Variants in VWDE observed in about 807,000 individuals in gnomAD.
VWDE encodes von Willebrand factor D and EGF domain-containing protein.
VWDE carries 207 observed loss-of-function variants against 178.4 expected under a neutral mutation model. That is an observed-to-expected ratio of 1.16 (90% confidence interval 1.04 to 1.30). VWDE has a LOEUF of 1.30. Among genes scored for constraint, VWDE ranks in the 50% most tolerant of loss-of-function variants. VWDE has a pLI of 0.00. For missense variants in VWDE, 2,287 were observed against 1,901.3 expected (o/e 1.20, Z -3.77); for synonymous variants, 738 against 651.4 (o/e 1.13, Z -2.02).
chr7:12,341,915 TA>T, intron 23 of VWDE, 143 bp downstream of exon 23: 1 of 572,124 alleles, frequency 1.7e-6, no homozygotes. Flanking sequence ...GAAAGAGTTT[TA>T]AAAATCTGTC....
intron 13 of VWDE, 151 bp downstream of exon 13, chr7:12,367,206 A>G (rs960496192): frequency 1.5e-5 from 8 of 522,002 alleles, no homozygotes; most frequent in Non-Finnish European, 1.8e-5. Context: ...AAGCGTCAAC[A>G]TTATGTAACT....
Position 12,357,521 on chromosome 7 carries a change from A to G in VWDE, c.3275-6T>C, listed in dbSNP as rs1176591291. 1 of 1,552,040 alleles carries G rather than the reference A, an allele frequency of 6.4e-7. No homozygotes were observed. The highest frequency in any genetic ancestry group is 1.2e-5 in the South Asian group (1 of 84,056). On this transcript the variant is annotated splice_polypyrimidine_tract_variant and splice_region_variant and intron_variant, in intron 16 of 28. Transcript: ENST00000275358. Reference sequence around the variant, plus strand: ...AATCACTGGGGGCTGGTTGTCTGTAATAGAGAAAACACTTAACTTTATACC... The same window carrying G: ...AATCACTGGGGGCTGGTTGTCTGTAGTAGAGAAAACACTTAACTTTATACC...
chr7:12,397,700 G>A (rs1784693600), intron 1 of VWDE, among the ~76,000 whole-genome samples: 1 of 152,016 alleles, frequency 6.6e-6, no homozygotes, highest in East Asian at 1.9e-4. Context: ...AATCTATAAG[G>A]AACTTAAATA....
At chr7:12,367,219 A>C in intron 13 of VWDE, 138 bp downstream of exon 13, 1 of 588,576 alleles carries the variant, frequency 1.7e-6, no homozygotes, top group Non-Finnish European at 2.6e-6. Context: ...ATGTAACTTA[A>C]TCATTTTCCT....
intron 19 of VWDE, among the ~76,000 whole-genome samples, chr7:12,348,970 G>T (rs372500915): frequency 6.6e-6 from 1 of 151,826 alleles, no homozygotes; most frequent in Non-Finnish European, 1.5e-5. Context: ...GTAAACTATC[G>T]CAAGAACAAA....
At chr7:12,393,858 C>T (rs1305097146) in intron 1 of VWDE, 80 bp from the exon 2 acceptor site, 1 of 1,251,338 alleles carries the variant, frequency 8.0e-7, no homozygotes, top group Admixed American at 3.0e-5. Context: ...AATTGATTCC[C>T]AAAACAAAAA....
chr7:12,400,158 C>T (rs2128565553), intron 1 of VWDE, among the ~76,000 whole-genome samples: 1 of 151,954 alleles, frequency 6.6e-6, no homozygotes, highest in East Asian at 1.9e-4. Flanking sequence ...CACCTTAAGA[C>T]ACTGTAAAAA....
chr7:12,361,160 G>A lies in VWDE; in HGVS notation c.3146C>T (p.Ser1049Leu), dbSNP rs928918812. ...CQVCGLYKND[S>L]CTIKENVCII... ...AAAAATACATACCTTTATAGTACATGAGTCATTTTTATAGAGACCACAAAC... is the reference window on the plus strand; with the variant it reads ...AAAAATACATACCTTTATAGTACATAAGTCATTTTTATAGAGACCACAAAC... Residue 1049 changes from serine (S) to leucine (L), a missense_variant, in exon 15 of 29, where the codon TCA becomes TTA. Coordinates refer to ENST00000275358, the MANE Select transcript of VWDE (RefSeq NM_001135924.3). 25 of 1,530,428 alleles carry A rather than the reference G, an allele frequency of 1.6e-5. No individual in the cohort carries two copies. Among genetic ancestry groups the A allele is most frequent in the Non-Finnish European group, 2.2e-5 (25 of 1,129,474 alleles). The allele number at this position is 1,530,428 out of a possible 1,614,324, so 94.8% of individuals were successfully genotyped here.
At chr7:12,391,719 A>C (rs967577945) in intron 2 of VWDE, among the ~76,000 whole-genome samples, 1 of 152,224 alleles carries the variant, frequency 6.6e-6, no homozygotes, top group Non-Finnish European at 1.5e-5. Flanking sequence ...AACACTGTTA[A>C]AATTTCAATG....
intron 12 of VWDE, among the ~76,000 whole-genome samples, chr7:12,368,118 A>T (rs993749091): frequency 2.6e-4 from 40 of 151,564 alleles, no homozygotes; most frequent in African/African-American, 9.5e-4. Flanking sequence ...TACTTTCACA[A>T]ATTCAACAAA....
At chr7:12,347,511 T>C (rs984003657) in intron 19 of VWDE, among the ~76,000 whole-genome samples, 2 of 151,654 alleles carry the variant, frequency 1.3e-5, no homozygotes, top group Non-Finnish European at 2.9e-5. Flanking sequence ...GCCACACTAA[T>C]CAAAAACAAT....
chr7:12,344,233 T>G lies in VWDE; in HGVS notation c.4040A>C (p.Gln1347Pro), dbSNP rs1562466449. The G allele has an allele frequency of 1.3e-6, 2 of 1,551,326 alleles. No individual in the cohort carries two copies. Among genetic ancestry groups the G allele is most frequent in the Non-Finnish European group, 1.7e-6 (2 of 1,146,684 alleles). Residue 1347 changes from glutamine (Q) to proline (P), a missense_variant, in exon 21 of 29, where the codon CAG (glutamine) becomes CCG (proline). Transcript: ENST00000275358. ...TGCTCCACCATGTCCTGGAAGACAC[T>G]GACAAATGTTAGGCTTAATACATTT... is the stretch of plus-strand genomic sequence containing the variant. ...HGKCIKPNICQCLPGHGGATC... is the reference protein window; with the variant it reads ...HGKCIKPNICPCLPGHGGATC...
intron 19 of VWDE, among the ~76,000 whole-genome samples, chr7:12,346,168 C>G (rs75517946): frequency 0.016 from 2,364 of 152,112 alleles, 51 homozygotes; most frequent in African/African-American, 0.054. Flanking sequence ...CAAGATAACC[C>G]AGAATGTTAA....
intron 16 of VWDE, 91 bp downstream of exon 16, chr7:12,359,487 C>A: frequency 1.3e-6 from 1 of 781,906 alleles, no homozygotes; most frequent in Non-Finnish European, 2.1e-6. Context: ...AGAGGTCATT[C>A]ATCTTAAACA....
chr7:12,349,766 A>T (rs1204139000), intron 19 of VWDE, among the ~76,000 whole-genome samples: 1 of 152,064 alleles, frequency 6.6e-6, no homozygotes, highest in African/African-American at 2.4e-5. Flanking sequence ...GGCAACTTCT[A>T]TCTAGGAAAA....
At chr7:12,402,134 C>T (rs1424132976) in intron 1 of VWDE, among the ~76,000 whole-genome samples, 1 of 152,152 alleles carries the variant, frequency 6.6e-6, no homozygotes, top group Admixed American at 6.5e-5. Flanking sequence ...TTCCTTATCG[C>T]TGGGGAGAAA....
chr7:12,347,917 C>T (rs1406760902), intron 19 of VWDE, among the ~76,000 whole-genome samples: 2 of 152,090 alleles, frequency 1.3e-5, no homozygotes, highest in Non-Finnish European at 2.9e-5. Context: ...AGAAATAACG[C>T]CGCGTATCTA....
chr7:12,394,471 T>C (rs191215090), intron 1 of VWDE, among the ~76,000 whole-genome samples: 1 of 152,162 alleles, frequency 6.6e-6, no homozygotes, highest in Non-Finnish European at 1.5e-5. Flanking sequence ...ACCTTTTATC[T>C]GAGTAGTCTT....
At chr7:12,351,827 T>G in intron 18 of VWDE, 114 bp from the exon 19 acceptor site, 1 of 878,738 alleles carries the variant, frequency 1.1e-6, no homozygotes, top group Non-Finnish European at 1.6e-6. Flanking sequence ...CAAATTAGAC[T>G]GAATAACTCA....
Sources: allele counts gnomAD v4.1 joint callset (sites outside exome capture counted in the v4.1 genomes callset), GRCh38; gene constraint gnomAD v4.1.1; transcripts MANE v1.5; gene names NCBI Gene and HGNC (gene_info 2026-07-23, HGNC 2026-07-21).